GRM8: variants seen among roughly 807,000 people sequenced by gnomAD.
GRM8 encodes glutamate metabotropic receptor 8, also known as metabotropic glutamate receptor 8.
GRM8 carries 47 observed loss-of-function variants against 87.2 expected under a neutral mutation model. The ratio of observed to expected loss-of-function variants is 0.54; its 90% CI spans 0.43 to 0.69. The LOEUF (loss-of-function observed/expected upper bound fraction) is 0.69, where lower values mean the gene tolerates loss of function less well. Among genes scored for constraint, GRM8 ranks in the 30% least tolerant of loss-of-function variants. The pLI is 0.00. For synonymous variants in GRM8, 396 were observed against 404.5 expected, an observed-to-expected ratio of 0.98 and a Z score of 0.25; for missense variants, 1,019 against 1,139.2, an observed-to-expected ratio of 0.89 and a Z score of 1.52.
chr7:126,709,782 CAGA>C (rs1431268779), intron 7 of GRM8, among the ~76,000 whole-genome samples: 2 of 151,790 alleles, frequency 1.3e-5, no homozygotes, highest in African/African-American at 4.8e-5. Flanking sequence ...TGTCCATGGA[CAGA>C]AGAATAAGTA....
intron 7 of GRM8, among the ~76,000 whole-genome samples, chr7:126,644,215 T>C (rs1210312799): frequency 6.6e-6 from 1 of 152,184 alleles, no homozygotes; most frequent in African/African-American, 2.4e-5. Context: ...ATATATCGTA[T>C]TTTCAAATTT....
At chr7:127,122,538 C>T (rs1398079622) in intron 2 of GRM8, among the ~76,000 whole-genome samples, 1 of 151,038 alleles carries the variant, frequency 6.6e-6, no homozygotes, top group Non-Finnish European at 1.5e-5. Context: ...AAAAAAATAC[C>T]ATTTCAACCT....
chr7:127,143,984 A>C (rs1038561219), intron 2 of GRM8, among the ~76,000 whole-genome samples: 3 of 152,166 alleles, frequency 2.0e-5, no homozygotes, highest in Non-Finnish European at 4.4e-5. Flanking sequence ...GGAGAATAAG[A>C]GGACAGATTC....
At chr7:126,726,905 T>C (rs527709975) in intron 7 of GRM8, among the ~76,000 whole-genome samples, 4 of 152,246 alleles carry the variant, frequency 2.6e-5, no homozygotes, top group African/African-American at 7.2e-5. Context: ...AGTAATGTGT[T>C]ATTATTTATA....
chr7:126,878,914 G>A (rs1284167291), intron 6 of GRM8, among the ~76,000 whole-genome samples: 3 of 151,598 alleles, frequency 2.0e-5, no homozygotes, highest in African/African-American at 7.3e-5. Flanking sequence ...TGTAATCCCA[G>A]CACTTTGGGA....
rs1438558312 is a variant in GRM8, at chr7:127,252,554, A to AG, written c.-312+242dup. The stretch of plus-strand genomic sequence containing the variant: ...TTTCTCTCACAGACTACGGACATGC[A>AG]GGGCCATCTACTTGTGCTCAGGAAA... On this transcript the variant is annotated intron_variant, in intron 1 of 10. Coordinates refer to ENST00000339582, the MANE Select transcript of GRM8 (RefSeq NM_000845.3). This position sits in a 1 kb window ranked among gnomAD's most constrained non-coding sequence, Gnocchi z 4.9. Among the ~76,000 whole-genome samples, 1 of 152,058 alleles carries AG rather than the reference A, an allele frequency of 6.6e-6. No individual in the cohort carries two copies. The highest frequency in any genetic ancestry group is 2.4e-5 in the African/African-American group (1 of 41,404).
chr7:126,947,626 T>C (rs888611333), intron 3 of GRM8, among the ~76,000 whole-genome samples: 3 of 152,072 alleles, frequency 2.0e-5, no homozygotes, highest in Non-Finnish European at 4.4e-5. Context: ...ATTGGACTTA[T>C]TTCTTAGGTT....
chr7:126,991,309 GT>G (rs1812637162), intron 3 of GRM8, among the ~76,000 whole-genome samples: 1 of 152,016 alleles, frequency 6.6e-6, no homozygotes, highest in African/African-American at 2.4e-5. Context: ...GTTTCGCTTT[GT>G]TTTAGTCAGA....
chr7:126,835,434 A>T (rs1795756363), intron 6 of GRM8, among the ~76,000 whole-genome samples: 1 of 152,226 alleles, frequency 6.6e-6, no homozygotes, highest in Non-Finnish European at 1.5e-5. Flanking sequence ...ATGCCTCAGT[A>T]AAGATGGGAC....
At chr7:126,576,665 C>A (rs1795142521) in intron 8 of GRM8, among the ~76,000 whole-genome samples, 1 of 152,242 alleles carries the variant, frequency 6.6e-6, no homozygotes, top group East Asian at 1.9e-4. Context: ...CCTCTATCAG[C>A]CCACACTGAC....
intron 7 of GRM8, among the ~76,000 whole-genome samples, chr7:126,619,330 C>T (rs1799866806): frequency 6.6e-6 from 1 of 151,990 alleles, no homozygotes; most frequent in African/African-American, 2.4e-5. Context: ...ACAGTGAGAA[C>T]ACATGGACAC....
At chr7:126,983,328 G>A (rs1311200138) in intron 3 of GRM8, among the ~76,000 whole-genome samples, 2 of 152,098 alleles carry the variant, frequency 1.3e-5, no homozygotes, top group Admixed American at 1.3e-4. Context: ...GCCTTTGGAA[G>A]TCAGAATTAA....
chr7:126,642,604 C>T (rs560220696), intron 7 of GRM8, among the ~76,000 whole-genome samples: 10 of 151,930 alleles, frequency 6.6e-5, no homozygotes, highest in African/African-American at 2.4e-4. Flanking sequence ...CATGCCACTG[C>T]CCTCCAGCCT....
intron 2 of GRM8, among the ~76,000 whole-genome samples, chr7:127,168,979 G>T (rs554892671): frequency 6.1e-5 from 9 of 147,714 alleles, no homozygotes; most frequent in African/African-American, 2.3e-4. Flanking sequence ...TGCACGTTCT[G>T]CACATGTACT....
At chr7:127,223,459 A>ATG (rs1282023884) in intron 2 of GRM8, among the ~76,000 whole-genome samples, 4,160 of 105,268 alleles carry the variant, frequency 0.04, 70 homozygotes, top group South Asian at 0.11. Context: ...ACACACACAC[A>ATG]CACACACACA....
At chr7:127,089,042 C>A (rs989467841) in intron 3 of GRM8, among the ~76,000 whole-genome samples, 1 of 152,168 alleles carries the variant, frequency 6.6e-6, no homozygotes, top group Non-Finnish European at 1.5e-5. Flanking sequence ...CCACCTGGAG[C>A]CTCAGAATGT....
At chr7:126,707,728 C>T (rs1810677573) in intron 7 of GRM8, among the ~76,000 whole-genome samples, 1 of 151,944 alleles carries the variant, frequency 6.6e-6, no homozygotes, top group African/African-American at 2.4e-5. Flanking sequence ...TATCTTACAC[C>T]ATACACAAAA....
At chr7:126,797,423 T>A (rs1184481702) in intron 6 of GRM8, among the ~76,000 whole-genome samples, 4 of 152,146 alleles carry the variant, frequency 2.6e-5, no homozygotes, top group Non-Finnish European at 4.4e-5. Flanking sequence ...TGTTATTTTT[T>A]AAAATATTAA....
intron 6 of GRM8, among the ~76,000 whole-genome samples, chr7:126,776,753 G>A (rs1167417837): frequency 6.6e-6 from 1 of 152,066 alleles, no homozygotes; most frequent in African/African-American, 2.4e-5. Flanking sequence ...GTGGCCTTGG[G>A]CAAAACATGA....
Sources: allele counts gnomAD v4.1 joint callset (sites outside exome capture counted in the v4.1 genomes callset), GRCh38; gene constraint gnomAD v4.1.1; non-coding constraint Gnocchi (gnomAD v3.1); transcripts MANE v1.5; gene names NCBI Gene and HGNC (gene_info 2026-07-23, HGNC 2026-07-21).